ANXA5: variants seen among roughly 807,000 people sequenced by gnomAD.
ANXA5 encodes annexin A5, also known as CBP-I.
A neutral mutation model predicts 48.1 loss-of-function variants in ANXA5; 40 were observed. The ratio of observed to expected loss-of-function variants is 0.83; its 90% CI spans 0.65 to 1.08. ANXA5 has a LOEUF of 1.08. Ranked by LOEUF, ANXA5 falls within the 50% of genes least tolerant of loss-of-function variation. The pLI is 0.00. For missense variants in ANXA5, 357 were observed against 376.8 expected (o/e 0.95, Z 0.44); for synonymous variants, 113 against 129.1 (o/e 0.88, Z 0.85).
At chr4:121,685,512 A>T (rs1578446229) in intron 3 of ANXA5, among the ~76,000 whole-genome samples, 1 of 152,332 alleles carries the variant, frequency 6.6e-6, no homozygotes, top group East Asian at 1.9e-4. Context: ...GGGCTTTCAT[A>T]AACAGCAGAT....
intron 4 of ANXA5, among the ~76,000 whole-genome samples, 176 bp downstream of exon 4, chr4:121,684,501 G>A (rs571830605): frequency 3.4e-4 from 52 of 152,320 alleles, no homozygotes; most frequent in Admixed American, 2.7e-3. Flanking sequence ...GATAAGCTGG[G>A]TGAGCACTGT....
intron 9 of ANXA5, among the ~76,000 whole-genome samples, chr4:121,672,099 C>T (rs1222948877): frequency 6.6e-6 from 1 of 152,080 alleles, no homozygotes; most frequent in Non-Finnish European, 1.5e-5. Context: ...CCATGGAATC[C>T]CACCTCTGGA....
At chr4:121,678,703 A>G (rs933317139) in intron 6 of ANXA5, among the ~76,000 whole-genome samples, 2 of 152,190 alleles carry the variant, frequency 1.3e-5, no homozygotes, top group African/African-American at 2.4e-5. Flanking sequence ...AAGGCACTCA[A>G]TTCAAACTTA....
intron 3 of ANXA5, among the ~76,000 whole-genome samples, chr4:121,685,814 G>A (rs934651403): frequency 6.6e-6 from 1 of 152,122 alleles, no homozygotes; most frequent in African/African-American, 2.4e-5. Context: ...CTGCCTTATC[G>A]ACTCGGGCCT....
intron 2 of ANXA5, 144 bp downstream of exon 2, chr4:121,696,437 A>G: frequency 2.6e-6 from 2 of 764,328 alleles, no homozygotes; most frequent in Non-Finnish European, 1.8e-6. Flanking sequence ...GCAAAGGGGG[A>G]ACAAGAAAAG....
intron 8 of ANXA5, 26 bp from the exon 9 acceptor site, chr4:121,672,652 T>C: frequency 1.9e-6 from 3 of 1,551,836 alleles, no homozygotes; most frequent in Non-Finnish European, 2.7e-6. Context: ...ACTCAATTAA[T>C]AAATTGTTCC....
At chr4:121,696,794 G>C in intron 1 of ANXA5, 69 bp downstream of exon 1, 1 of 397,274 alleles carries the variant, frequency 2.5e-6, no homozygotes, top group Non-Finnish European at 4.5e-6. Flanking sequence ...GCGTCCGCGC[G>C]AATCCAGTGC....
rs1724577833 is a variant in ANXA5 at position 121,669,598 on chromosome 4, C to A, written c.903+4G>T. The A allele has an allele frequency of 6.2e-7, 1 of 1,613,342 alleles. No homozygotes were observed. The highest frequency in any genetic ancestry group is 1.3e-5 in the African/African-American group (1 of 74,856). On this transcript the variant is annotated splice_donor_region_variant and intron_variant, in intron 12 of 12. Coordinates refer to ENST00000296511, the MANE Select transcript of ANXA5 (RefSeq NM_001154.4). ...AAACGTAATTTAAAGAAAGGTTCTA[C>A]TACCTTAATCATGGAATAAAGAGAG...
intron 6 of ANXA5, chr4:121,681,308 T>G (rs1443344933): frequency 6.3e-6 from 1 of 159,826 alleles, no homozygotes; most frequent in East Asian, 1.8e-4. Context: ...GTACTTTTTA[T>G]ATAACTCCTA....
chr4:121,668,325 A>G lies in ANXA5; in HGVS notation c.*143T>C. The G allele has an allele frequency of 3.0e-6, 2 of 668,660 alleles. No homozygotes were observed. The highest frequency in any genetic ancestry group is 2.6e-5 in the Admixed American group (1 of 38,418). 41.4% of individuals were successfully genotyped at this position (668,660 alleles called of 1,614,324 possible). ...GAAAGAAGCACCACTATTTTCTTCT[A>G]TGACGTGTATGTGTTGGTCATGAGC... is the stretch of plus-strand genomic sequence containing the variant. On this transcript the variant is annotated 3_prime_UTR_variant, in exon 13 of 13. Coordinates refer to ENST00000296511, the MANE Select transcript of ANXA5 (RefSeq NM_001154.4).
At chr4:121,687,163 G>A (rs1469797850) in intron 2 of ANXA5, among the ~76,000 whole-genome samples, 1 of 151,920 alleles carries the variant, frequency 6.6e-6, no homozygotes, top group African/African-American at 2.4e-5. Flanking sequence ...AACCGGGTGT[G>A]GTGGCAGGCG....
chr4:121,670,996 G>C (rs1223072656), intron 10 of ANXA5, among the ~76,000 whole-genome samples: 1 of 152,078 alleles, frequency 6.6e-6, no homozygotes, highest in East Asian at 1.9e-4. Flanking sequence ...CCTAGCTTTG[G>C]AGTACATAAT....
At chr4:121,695,083 A>G (rs1725055538) in intron 2 of ANXA5, among the ~76,000 whole-genome samples, 1 of 152,372 alleles carries the variant, frequency 6.6e-6, no homozygotes, top group East Asian at 1.9e-4. Flanking sequence ...CTAAATGAGC[A>G]AAGATAGAGG....
intron 2 of ANXA5, among the ~76,000 whole-genome samples, chr4:121,688,969 A>G (rs1362330933): frequency 6.6e-6 from 1 of 152,164 alleles, no homozygotes; most frequent in Non-Finnish European, 1.5e-5. Flanking sequence ...CAGCCAGGCT[A>G]GTCTCCATTT....
In ANXA5 at chr4:121,684,680, G is replaced by A. The variant is rs2110486657; in HGVS notation, c.186C>T (p.Gly62=). Residue 62 remains glycine, a synonymous_variant, in exon 4 of 13, where the codon GGC becomes GGT. Transcript: ENST00000296511. ...TTGGGATGAAGTGTGGTCTTACCCT[G>A]CCAAACAGAGTCTTAAAAGCTGCAG... ...EISAAFKTLF[G]RDLLDDLKSE... is the part of the protein sequence containing the mutation. 1 of 1,613,536 alleles carries A rather than the reference G, an allele frequency of 6.2e-7. No homozygotes were observed. The highest frequency in any genetic ancestry group is 8.5e-7 in the Non-Finnish European group (1 of 1,179,596).
chr4:121,669,932 A>G, intron 11 of ANXA5, 22 bp downstream of exon 11: 1 of 1,556,828 alleles, frequency 6.4e-7, no homozygotes, highest in East Asian at 2.2e-5. Context: ...TATTAGATAG[A>G]AGGTTCATGG....
chr4:121,684,874 T>C (rs1347061054), intron 3 of ANXA5, 103 bp from the exon 4 acceptor site: 4 of 817,588 alleles, frequency 4.9e-6, no homozygotes, highest in Admixed American at 2.2e-5. Flanking sequence ...TGCCTCTCCC[T>C]ATGCGAATAT....
At position 121,681,725 on chromosome 4, in the gene ANXA5, TA is replaced by T. The variant is rs1401038310; in HGVS notation, c.339del (p.Ile114LeufsTer9). 6.2e-7 allele frequency: 1 copy of T among 1,612,986 alleles called. No individual in the cohort carries two copies. Among genetic ancestry groups the T allele is most frequent in the Non-Finnish European group, 8.5e-7 (1 of 1,179,266 alleles). On this transcript the variant is annotated frameshift_variant, in exon 6 of 13. Transcript: ENST00000296511. LOFTEE classifies it high-confidence loss of function. ...AGTTCTTCAGGTGTCCTTGAAGCAATAATTTCTGTCAGTACTTTTTCATTTG... is the reference window on the plus strand; with the variant it reads ...AGTTCTTCAGGTGTCCTTGAAGCAATATTTCTGTCAGTACTTTTTCATTTG... ...AGTNEKVLTE[I>X]IASRTPEELR... is the part of the protein sequence containing the mutation.
intron 5 of ANXA5, 57 bp downstream of exon 5, chr4:121,683,307 A>G: frequency 2.9e-6 from 3 of 1,043,704 alleles, no homozygotes. Flanking sequence ...GGAAGTAATT[A>G]CCAAAACAAA....
Sources: gnomAD v4.1 joint callset for allele counts (sites outside exome capture counted in the v4.1 genomes callset) on GRCh38, gnomAD v4.1.1 for gene constraint, MANE v1.5 for transcripts, NCBI Gene and HGNC (gene_info 2026-07-23, HGNC 2026-07-21) for gene names.